The following INTS1 variants were observed in gnomAD, a reference collection of about 807,000 sequenced individuals.
INTS1 encodes integrator complex subunit 1.
INTS1 carries 137 observed loss-of-function variants against 241.6 expected under a neutral mutation model. The observed-to-expected ratio is 0.57, with a 90% confidence interval of 0.49 to 0.65. The LOEUF is 0.65. Among genes scored for constraint, INTS1 ranks in the 30% least tolerant of loss-of-function variants. INTS1 has a pLI of 0.00. For missense variants in INTS1, 3,073 were observed against 3,032.2 expected, an observed-to-expected ratio of 1.01 and a Z score of -0.32; for synonymous variants, 1,692 against 1,337.8, an observed-to-expected ratio of 1.26 and a Z score of -5.78.
At chr7:1,498,936 A>G in intron 8 of INTS1, 39 bp downstream of exon 8, 1 of 933,264 alleles carries the variant, frequency 1.1e-6, no homozygotes. Flanking sequence ...GCCTGCCCCC[A>G]CCCCCTGCCC....
chr7:1,498,709 G>T lies in INTS1; in HGVS notation c.1281C>A (p.Ile427=). The change falls in exon 9 of 48, where the codon ATC becomes ATA. Residue 427 remains isoleucine, a splice_region_variant and synonymous_variant. Coordinates refer to ENST00000404767, the MANE Select transcript of INTS1 (RefSeq NM_001080453.3). ...KVLLNHFMLC[I]RELLSAHKDN... ...CTCTGCCCCGGCTCGCCACGCACCT[G>T]ATGCACAGCATGAAGTGGTTGAGGA... 1 of 1,548,710 alleles carries T rather than the reference G, an allele frequency of 6.5e-7. No individual in the cohort carries two copies. Among genetic ancestry groups the T allele is most frequent in the Non-Finnish European group, 8.7e-7 (1 of 1,146,232 alleles).
At chr7:1,498,930 G>GGCCCCCCC in intron 8 of INTS1, 45 bp downstream of exon 8, 6 of 1,460,102 alleles carry the variant, frequency 4.1e-6, no homozygotes, top group Non-Finnish European at 5.6e-6. Flanking sequence ...CACAGAGCCT[G>GGCCCCCCC]CCCCCACCCC....
rs1015332957 is a variant in INTS1, at chr7:1,476,858, G to C, written c.4999C>G (p.Gln1667Glu). ...TGGTGCAGTGTGGGCCAGCTGGACT[G>C]ATGCGTGAAGAGGGTCAGGAGGTAG... ...RPYLLTLFTH[Q>E]SSWPTLHQCI... The change falls in exon 36 of 48, where the codon CAG becomes GAG. Residue 1667 changes from glutamine (Q) to glutamate (E), a missense_variant. Transcript: ENST00000404767. 52 of 1,612,956 alleles carry C rather than the reference G, an allele frequency of 3.2e-5. No homozygotes were observed. Among genetic ancestry groups the C allele is most frequent in the Non-Finnish European group, 4.2e-5 (49 of 1,179,840 alleles).
At chr7:1,477,396 C>G (rs1337641146) in intron 35 of INTS1, among the ~76,000 whole-genome samples, 154 bp downstream of exon 35, 1 of 152,208 alleles carries the variant, frequency 6.6e-6, no homozygotes, top group African/African-American at 2.4e-5. Context: ...GGGACCTACC[C>G]TTCCTCTGGG....
rs148049659 is a variant in INTS1 at position 1,488,440 on chromosome 7, C to T, written c.2319-483G>A. 3.9e-3 allele frequency among the ~76,000 whole-genome samples: 597 copies of T among 152,214 alleles called. 4 individuals carry two copies. The highest frequency in any genetic ancestry group is 0.014 in the African/African-American group (562 of 41,504). On this transcript the variant is annotated intron_variant, in intron 18 of 47. Transcript: ENST00000404767. Reference sequence around the variant, plus strand: ...CTAATCTGAGCTCTGTCCCCAAGGCCCCAAAGTCAGTCTGCTCCTTCAGAG... The same window carrying T: ...CTAATCTGAGCTCTGTCCCCAAGGCTCCAAAGTCAGTCTGCTCCTTCAGAG...
In INTS1 at chr7:1,483,830, G is replaced by C; in HGVS notation, c.3453C>G (p.Phe1151Leu). Residue 1151 changes from phenylalanine (F) to leucine (L), a missense_variant, in exon 26 of 48, where the codon TTC becomes TTG. Transcript: ENST00000404767. ...YSWSESQDQV[F>L]LRWSSGETAT... is the part of the protein sequence containing the mutation. ...CTGTCTCCCCGCTGCTCCAGCGTAG[G>C]AAGACCTGGTCCTGAGACTCCGACT... The C allele has an allele frequency of 6.2e-7, 1 of 1,612,252 alleles. No homozygotes were observed. Among genetic ancestry groups the C allele is most frequent in the Non-Finnish European group, 8.5e-7 (1 of 1,179,308 alleles).
chr7:1,476,895 G>T lies in INTS1; in HGVS notation c.4962C>A (p.Pro1654=). 2 of 1,611,898 alleles carry T rather than the reference G, an allele frequency of 1.2e-6. No individual in the cohort carries two copies. Among genetic ancestry groups the T allele is most frequent in the Non-Finnish European group, 1.7e-6 (2 of 1,179,630 alleles). ...RRKGKGQAQV[P]SFRPYLLTLF... ...GGGTCAGGAGGTAGGGACGGAACGAGGGCACCTGGGCCTGACCTTTGCCCT... is the reference window on the plus strand; with the variant it reads ...GGGTCAGGAGGTAGGGACGGAACGATGGCACCTGGGCCTGACCTTTGCCCT... The change falls in exon 36 of 48, where the codon CCC becomes CCA. Residue 1654 remains proline, a synonymous_variant. Coordinates refer to ENST00000404767, the MANE Select transcript of INTS1 (RefSeq NM_001080453.3).
intron 24 of INTS1, 65 bp from the exon 25 acceptor site, chr7:1,484,235 G>A (rs1197232883): frequency 1.3e-6 from 2 of 1,517,898 alleles, no homozygotes; most frequent in African/African-American, 1.4e-5. Flanking sequence ...CAGCTGGGGT[G>A]ACCTCGTCGC....
At chr7:1,495,086 A>G (rs1782779130) in intron 13 of INTS1, among the ~76,000 whole-genome samples, 193 bp from the exon 14 acceptor site, 1 of 146,962 alleles carries the variant, frequency 6.8e-6, no homozygotes, top group Non-Finnish European at 1.5e-5. Flanking sequence ...CAGGCTGCAC[A>G]GCGGCCGAAC....
In INTS1 at chr7:1,487,100, G is replaced by A; in HGVS notation, c.2648C>T (p.Ala883Val). 6.5e-7 allele frequency: 1 copy of A among 1,544,152 alleles called. No individual in the cohort carries two copies. Among genetic ancestry groups the A allele is most frequent in the South Asian group, 1.2e-5 (1 of 84,400 alleles). The change falls in exon 21 of 48, where the codon GCC becomes GTC. Residue 883 changes from alanine to valine, a missense_variant and splice_region_variant. Transcript: ENST00000404767. ...CAGCCAGGGCATGGACTGCGAGGAG[G>A]CCTGGGCAGGCGACAGTGGCGCCCG... is the stretch of plus-strand genomic sequence containing the variant. Reference protein sequence around the residue: ...DFLLHIIQRQASSQSMPWLAD... With the variant: ...DFLLHIIQRQVSSQSMPWLAD...
At chr7:1,471,550 C>T (rs777840014) in intron 45 of INTS1, 21 bp downstream of exon 45, 3 of 1,611,276 alleles carry the variant, frequency 1.9e-6, no homozygotes, top group Admixed American at 1.7e-5. Flanking sequence ...CCCAGCTCTC[C>T]CTCAGCCCCA....
intron 31 of INTS1, 25 bp downstream of exon 31, chr7:1,479,405 C>A: frequency 6.4e-7 from 1 of 1,555,624 alleles, no homozygotes; most frequent in Non-Finnish European, 8.7e-7. Flanking sequence ...CCCTCCTCCC[C>A]CGCAAGAGGC....
rs1583161239 is a variant in INTS1, at chr7:1,498,959, CGGGGCG to C, written c.1137+10_1137+15del. 5.9e-5 allele frequency: 88 copies of C among 1,484,390 alleles called. No individual in the cohort carries two copies. Among genetic ancestry groups the C allele is most frequent in the Admixed American group, 1.9e-4 (9 of 47,748 alleles). 92.0% of individuals were successfully genotyped at this position (1,484,390 alleles called of 1,614,324 possible). The stretch of plus-strand genomic sequence containing the variant: ...CCACCCCCTGCCCCGCCCACCCCCC[CGGGGCG>C]CCCCCGCACCTTGGGGTTCTGCAGC... On this transcript the variant is annotated intron_variant, in intron 8 of 47. Transcript: ENST00000404767.
chr7:1,483,860 GA>G lies in INTS1; in HGVS notation c.3430-8del. ...CCTGGTCCTGAGACTCCGACTGTGG[GA>G]AAAGAGGTGGAGTCAGGCCGTAAGG... On this transcript the variant is annotated splice_polypyrimidine_tract_variant and splice_region_variant and intron_variant, in intron 25 of 47. Transcript: ENST00000404767. 1.2e-6 allele frequency: 2 copies of G among 1,605,688 alleles called. No individual in the cohort carries two copies. The highest frequency in any genetic ancestry group is 1.7e-6 in the Non-Finnish European group (2 of 1,173,774).
chr7:1,476,207 T>C, intron 38 of INTS1, 22 bp downstream of exon 38: 1 of 1,543,740 alleles, frequency 6.5e-7, no homozygotes, highest in Admixed American at 2.0e-5. Flanking sequence ...AGGCAGCATC[T>C]GGGGCCGGGG....
intron 11 of INTS1, among the ~76,000 whole-genome samples, chr7:1,496,923 CCT>C (rs950403333): frequency 1.3e-5 from 2 of 152,276 alleles, no homozygotes; most frequent in East Asian, 2.0e-4. Context: ...TGCCAGTTCC[CCT>C]GTGCTTGGTC....
At chr7:1,473,284 G>C (rs770073803) in intron 42 of INTS1, 100 bp from the exon 43 acceptor site, 392 of 746,666 alleles carry the variant, frequency 5.2e-4, no homozygotes, top group Admixed American at 2.1e-3. Flanking sequence ...GTGGACACAG[G>C]CATGCAGGAG....
At chr7:1,482,271 C>T (rs558896091) in intron 27 of INTS1, 8 of 342,326 alleles carry the variant, frequency 2.3e-5, no homozygotes, top group Non-Finnish European at 3.7e-5. Flanking sequence ...ACCACTTTCT[C>T]TTTTTTCCAT....
chr7:1,471,311 C>A, intron 45 of INTS1, 87 bp from the exon 46 acceptor site: 1 of 1,369,124 alleles, frequency 7.3e-7, no homozygotes, highest in Non-Finnish European at 1.0e-6. Context: ...TGATGGTTGG[C>A]GGCAACGGCA....
Sources: allele counts gnomAD v4.1 joint callset (sites outside exome capture counted in the v4.1 genomes callset), GRCh38; gene constraint gnomAD v4.1.1; transcripts MANE v1.5; gene names NCBI Gene and HGNC (gene_info 2026-07-23, HGNC 2026-07-21).